The following SPDL1 variants were observed in gnomAD, a reference collection of about 807,000 sequenced individuals.
The protein encoded by SPDL1 is spindle apparatus coiled-coil protein 1, also known as protein Spindly.
A neutral mutation model predicts 79.5 loss-of-function variants in SPDL1; 85 were observed. That is an observed-to-expected ratio of 1.07 (90% CI 0.90 to 1.28). The LOEUF is 1.28. SPDL1 is among the 50% of genes most tolerant of loss of function. The pLI is 0.00. For missense variants in SPDL1, 703 were observed against 697.8 expected, an observed-to-expected ratio of 1.01 and a Z score of -0.08; for synonymous variants, 269 against 240.3, an observed-to-expected ratio of 1.12 and a Z score of -1.10.
intron 3 of SPDL1, among the ~76,000 whole-genome samples, chr5:169,592,566 A>G (rs1755350222): frequency 6.6e-6 from 1 of 152,084 alleles, no homozygotes; most frequent in Non-Finnish European, 1.5e-5. Flanking sequence ...ACTAAAACAA[A>G]CATAGCTATC....
chr5:169,599,187 TTTAAA>T (rs773986146), intron 10 of SPDL1, 28 bp downstream of exon 10: 2 of 1,308,364 alleles, frequency 1.5e-6, no homozygotes, highest in Admixed American at 2.6e-5. Flanking sequence ...ATTTTTGTCT[TTTAAA>T]TTATGAGTAA....
In SPDL1 at chr5:169,598,575, T is replaced by C. The variant is rs1255439399; in HGVS notation, c.1132T>C (p.Leu378=). 1 of 1,603,424 alleles carries C rather than the reference T, an allele frequency of 6.2e-7. No individual in the cohort carries two copies. The highest frequency in any genetic ancestry group is 8.5e-7 in the Non-Finnish European group (1 of 1,170,636). ...TDLLQMKLDN[L]NKEIESTKGE... ...TTTACTTCAGATGAAGCTGGATAAC[T>C]TAAAGTAAGTGTCTGGGTTGGTGGA... is the stretch of plus-strand genomic sequence containing the variant. Residue 378 remains leucine, a synonymous_variant, in exon 9 of 12, where the codon TTA becomes CTA. Coordinates refer to ENST00000265295, the MANE Select transcript of SPDL1 (RefSeq NM_017785.5).
chr5:169,604,195 C>T lies in SPDL1; in HGVS notation c.1806C>T (p.Cys602=), dbSNP rs765228322. 1 of 1,588,744 alleles carries T rather than the reference C, an allele frequency of 6.3e-7. No homozygotes were observed. Among genetic ancestry groups the T allele is most frequent in the Admixed American group, 1.8e-5 (1 of 55,062 alleles). ...VSSKSTPETQ[C]PQQ ...CTAAATCTACTCCAGAGACCCAGTGCCCTCAACAGTAAAGACTTGTCTTTA... is the reference window on the plus strand; with the variant it reads ...CTAAATCTACTCCAGAGACCCAGTGTCCTCAACAGTAAAGACTTGTCTTTA... Residue 602 remains cysteine, a synonymous_variant, in exon 12 of 12, where the codon TGC becomes TGT. Transcript: ENST00000265295.
At chr5:169,589,131 C>A (rs1755139340) in intron 2 of SPDL1, among the ~76,000 whole-genome samples, 1 of 152,066 alleles carries the variant, frequency 6.6e-6, no homozygotes, top group South Asian at 2.1e-4. Context: ...TACCAAAAAT[C>A]TAGAACTTTT....
chr5:169,604,199 C>G lies in SPDL1; in HGVS notation c.1810C>G (p.Gln604Glu). Residue 604 changes from glutamine (Q) to glutamate (E), a missense_variant, in exon 12 of 12, where the codon CAA (glutamine) becomes GAA (glutamate). Gln to Glu is a conservative substitution (Grantham distance 29). Transcript: ENST00000265295. Reference protein sequence around the residue: ...SKSTPETQCPQQ With the variant: ...SKSTPETQCPEQ ...ATCTACTCCAGAGACCCAGTGCCCT[C>G]AACAGTAAAGACTTGTCTTTAATAA... 1 of 1,587,090 alleles carries G rather than the reference C, an allele frequency of 6.3e-7. No individual in the cohort carries two copies. Among genetic ancestry groups the G allele is most frequent in the Non-Finnish European group, 8.5e-7 (1 of 1,169,926 alleles).
In SPDL1 at chr5:169,593,567, G is replaced by C; in HGVS notation, c.531+19G>C. 6.6e-7 allele frequency: 1 copy of C among 1,519,968 alleles called. No homozygotes were observed. The highest frequency in any genetic ancestry group is 8.8e-7 in the Non-Finnish European group (1 of 1,134,342). The allele number at this position is 1,519,968 out of a possible 1,614,324, so 94.2% of individuals were successfully genotyped here. On this transcript the variant is annotated intron_variant, in intron 4 of 11. Coordinates refer to ENST00000265295, the MANE Select transcript of SPDL1 (RefSeq NM_017785.5). ...TATGAAGGTAATTTTTATGGCATGT[G>C]TTTCTCAGGGTTTTCTCTTTTTTTT...
In SPDL1 at chr5:169,599,100, G is replaced by T; in HGVS notation, c.1265G>T (p.Ser422Ile). ...GAAAGATGCCTCCAGCTTTCAGAAA[G>T]TGAAAATATGAAACTGAGAGCTAAA... Reference protein sequence around the residue: ...ANERCLQLSESENMKLRAKLD... With the variant: ...ANERCLQLSEIENMKLRAKLD... Residue 422 changes from serine to isoleucine, a missense_variant, in exon 10 of 12, where the codon AGT (serine) becomes ATT (isoleucine). By Grantham distance (142) the Ser-to-Ile change is moderately radical. Transcript: ENST00000265295. 6.3e-7 allele frequency: 1 copy of T among 1,594,354 alleles called. No individual in the cohort carries two copies. The highest frequency in any genetic ancestry group is 1.1e-5 in the South Asian group (1 of 88,938).
chr5:169,596,536 A>C, intron 7 of SPDL1, 25 bp from the exon 8 acceptor site: 2 of 1,590,800 alleles, frequency 1.3e-6, no homozygotes, highest in Non-Finnish European at 1.7e-6. Flanking sequence ...TAATTTTATT[A>C]GAGGGGGTAA....
chr5:169,601,357 G>A lies in SPDL1; in HGVS notation c.1402G>A (p.Val468Ile). 6.2e-7 allele frequency: 1 copy of A among 1,613,968 alleles called. No individual in the cohort carries two copies. The change falls in exon 11 of 12, where the codon GTC becomes ATC. Residue 468 changes from valine to isoleucine, a missense_variant. Transcript: ENST00000265295. Reference sequence around the variant, plus strand: ...TATAACCACCGCTAAAGATGCATGTGTCAACAACAGTGCTCTCGGGGGAGA... The same window carrying A: ...TATAACCACCGCTAAAGATGCATGTATCAACAACAGTGCTCTCGGGGGAGA... Reference protein sequence around the residue: ...VDITTAKDACVNNSALGGEVY... With the variant: ...VDITTAKDACINNSALGGEVY...
chr5:169,595,686 T>A (rs1007843150), intron 7 of SPDL1: 7 of 152,180 alleles, frequency 4.6e-5, no homozygotes, highest in Non-Finnish European at 1.0e-4. Flanking sequence ...TTTTCTCACG[T>A]TTACTTTAGT....
rs1383664095 is a variant in SPDL1 at position 169,594,187 on chromosome 5, G to C, written c.574G>C (p.Glu192Gln). The C allele has an allele frequency of 6.2e-7, 1 of 1,613,396 alleles. No individual in the cohort carries two copies. Among genetic ancestry groups the C allele is most frequent in the Admixed American group, 1.7e-5 (1 of 59,912 alleles). ...AGTGAATGAACTACAATACAGACAAGAACAGCTAGAACTTCTTATTACTAA... is the reference window on the plus strand; with the variant it reads ...AGTGAATGAACTACAATACAGACAACAACAGCTAGAACTTCTTATTACTAA... The part of the protein sequence containing the change: ...EEVNELQYRQ[E>Q]QLELLITNLM... The change falls in exon 5 of 12, where the codon GAA (glutamate) becomes CAA (glutamine). Residue 192 changes from glutamate to glutamine, a missense_variant. By Grantham distance (29) the Glu-to-Gln change is conservative (BLOSUM62 2). Transcript: ENST00000265295.
Position 169,594,176 on chromosome 5 carries a change from A to T in SPDL1, c.563A>T (p.Gln188Leu), listed in dbSNP as rs773895791. 6.2e-7 allele frequency: 1 copy of T among 1,612,576 alleles called. No homozygotes were observed. The highest frequency in any genetic ancestry group is 8.5e-7 in the Non-Finnish European group (1 of 1,179,438). Residue 188 changes from glutamine to leucine, a missense_variant, in exon 5 of 12, where the codon CAA (glutamine) becomes CTA (leucine). Transcript: ENST00000265295. Reference sequence around the variant, plus strand: ...CTCAAAGAAGAAGTGAATGAACTACAATACAGACAAGAACAGCTAGAACTT... The same window carrying T: ...CTCAAAGAAGAAGTGAATGAACTACTATACAGACAAGAACAGCTAGAACTT... ...TTLKEEVNEL[Q>L]YRQEQLELLI...
In SPDL1 at chr5:169,588,352, T is replaced by TTTTTGTA. The variant is rs1371640284; in HGVS notation, c.-23-40_-23-34dup. ...TGTTATTGATATTATTGCATGGAGT[T>TTTTTGTA]TTTTGTATAAGCTTAAGTAGTTTTA... On this transcript the variant is annotated intron_variant, in intron 1 of 11. Transcript: ENST00000265295. 8 of 1,392,228 alleles carry TTTTTGTA rather than the reference T, an allele frequency of 5.7e-6. No individual in the cohort carries two copies. In the East Asian group the frequency reaches 1.9e-4, roughly 32 times the overall value. The allele number at this position is 1,392,228 out of a possible 1,614,324, so 86.2% of individuals were successfully genotyped here.
At chr5:169,591,306 T>A in intron 3 of SPDL1, 82 bp downstream of exon 3, 1 of 1,452,372 alleles carries the variant, frequency 6.9e-7, no homozygotes, top group South Asian at 1.4e-5. Context: ...AAGATTTTCT[T>A]AAGTGTCAGC....
At position 169,601,560 on chromosome 5, in the gene SPDL1, CAT is replaced by C. The variant is rs779320426; in HGVS notation, c.1607_1608del (p.Ile536ArgfsTer5). ...AGAAGGAAAAGAAATGTGTGAAACT[CAT>C]AGGAGTTCCCGCTGACGCTGAGGCC... Reference protein sequence around the residue: ...LKKEKKCVKLIGVPADAEALS... With the variant: ...LKKEKKCVKLXGVPADAEALS... On this transcript the variant is annotated frameshift_variant, in exon 11 of 12. Coordinates refer to ENST00000265295, the MANE Select transcript of SPDL1 (RefSeq NM_017785.5). LOFTEE classifies it high-confidence loss of function. 3.7e-6 allele frequency: 6 copies of C among 1,614,088 alleles called. No homozygotes were observed. Among genetic ancestry groups the C allele is most frequent in the South Asian group, 3.3e-5 (3 of 91,082 alleles).
chr5:169,592,227 T>A (rs999532396), intron 3 of SPDL1, among the ~76,000 whole-genome samples: 2 of 144,752 alleles, frequency 1.4e-5, no homozygotes, highest in African/African-American at 5.1e-5. Context: ...TTTTTTTTTT[T>A]TTTTTTTGAG....
In SPDL1 at chr5:169,604,259, G is replaced by C. The variant is rs1418902700; in HGVS notation, c.*52G>C. ...GCCACTTGCCTCAAAAGTTACTATG[G>C]TGCTTAAGATTGTCTTGATCTGACA... On this transcript the variant is annotated 3_prime_UTR_variant, in exon 12 of 12. Coordinates refer to ENST00000265295, the MANE Select transcript of SPDL1 (RefSeq NM_017785.5). The C allele has an allele frequency of 2.1e-6, 3 of 1,460,788 alleles. No homozygotes were observed. Among genetic ancestry groups the C allele is most frequent in the Non-Finnish European group, 1.8e-6 (2 of 1,095,482 alleles). 90.5% of individuals were successfully genotyped at this position (1,460,788 alleles called of 1,614,324 possible).
chr5:169,584,674 A>C (rs1443318219), intron 1 of SPDL1, among the ~76,000 whole-genome samples: 3 of 152,212 alleles, frequency 2.0e-5, no homozygotes, highest in African/African-American at 7.2e-5. Context: ...GCAGGACAGG[A>C]AAAATGGTTG....
chr5:169,589,655 G>GC (rs1230010059), intron 2 of SPDL1, among the ~76,000 whole-genome samples: 1 of 151,126 alleles, frequency 6.6e-6, no homozygotes, highest in East Asian at 1.9e-4. Flanking sequence ...GGAGAGGTCA[G>GC]CCCTTACTAT....
Sources: gnomAD v4.1 joint callset for allele counts (sites outside exome capture counted in the v4.1 genomes callset) on GRCh38, gnomAD v4.1.1 for gene constraint, MANE v1.5 for transcripts, NCBI Gene and HGNC (gene_info 2026-07-23, HGNC 2026-07-21) for gene names.